Variants in CRYBG1 observed in about 807,000 individuals in gnomAD.
CRYBG1 encodes the protein crystallin beta-gamma domain containing 1, also known as beta/gamma crystallin domain-containing protein 1.
CRYBG1 carries 139 observed loss-of-function variants against 189.2 expected under a neutral mutation model. That is an observed-to-expected ratio of 0.73 (90% confidence interval 0.64 to 0.85). The LOEUF (loss-of-function observed/expected upper bound fraction) is 0.85, where lower values mean the gene tolerates loss of function less well. CRYBG1 is among the 40% of genes least tolerant of loss of function. The probability of loss-of-function intolerance (pLI) is 0.00; values close to 1 mark genes in which losing one functional copy is unlikely to be tolerated. For synonymous variants in CRYBG1, 1,023 were observed against 1,017.1 expected (o/e 1.01, Z -0.11); for missense variants, 2,611 against 2,675.8 (o/e 0.98, Z 0.53).
chr6:106,525,218 T>C, intron 5 of CRYBG1, 38 bp downstream of exon 5: 1 of 1,613,982 alleles, frequency 6.2e-7, no homozygotes, highest in Non-Finnish European at 8.5e-7. Flanking sequence ...GATTCTATTT[T>C]GGTCTGACAG....
intron 1 of CRYBG1, among the ~76,000 whole-genome samples, chr6:106,443,529 G>A (rs1771603305): frequency 6.6e-6 from 1 of 152,166 alleles, no homozygotes; most frequent in Admixed American, 6.5e-5. Flanking sequence ...CCAACCAAGA[G>A]TTCTACGTGG....
chr6:106,546,061 G>A (rs1362413878), intron 13 of CRYBG1, among the ~76,000 whole-genome samples: 2 of 152,204 alleles, frequency 1.3e-5, no homozygotes. Flanking sequence ...CTTGGGTCAT[G>A]TGCACATGCC....
chr6:106,555,973 CGGTAGAACCTG>C, intron 17 of CRYBG1, 76 bp downstream of exon 17: 1 of 1,526,164 alleles, frequency 6.6e-7, no homozygotes, highest in African/African-American at 1.4e-5. Context: ...GGTAACCAGC[CGGTAGAACCTG>C]CTCTTAAAGT....
At chr6:106,561,238 C>T in intron 19 of CRYBG1, 104 bp from the exon 20 acceptor site, 1 of 1,257,674 alleles carries the variant, frequency 8.0e-7, no homozygotes, top group Non-Finnish European at 1.1e-6. Flanking sequence ...ATGGTAATTA[C>T]CCTTAATCCA....
chr6:106,544,345 C>G (rs1234190215), intron 11 of CRYBG1, among the ~76,000 whole-genome samples: 1 of 152,156 alleles, frequency 6.6e-6, no homozygotes, highest in Admixed American at 6.6e-5. Context: ...CACTCACACA[C>G]ACGCTCCCCT....
intron 1 of CRYBG1, among the ~76,000 whole-genome samples, chr6:106,392,130 C>T (rs961491847): frequency 2.0e-5 from 3 of 151,994 alleles, no homozygotes; most frequent in Admixed American, 2.0e-4. Context: ...GTTTAGTCCC[C>T]GCGAATCTGT....
intron 2 of CRYBG1, among the ~76,000 whole-genome samples, chr6:106,460,715 A>G (rs1343765087): frequency 1.3e-5 from 2 of 152,196 alleles, no homozygotes; most frequent in African/African-American, 4.8e-5. Context: ...TCAGAAGAGT[A>G]ACTGAAATGC....
intron 2 of CRYBG1, among the ~76,000 whole-genome samples, chr6:106,461,328 A>G (rs979806454): frequency 8.5e-5 from 13 of 152,192 alleles, no homozygotes; most frequent in African/African-American, 2.7e-4. Context: ...AAAGCTTTAT[A>G]TAAGTGGTAA....
chr6:106,483,391 G>C (rs2353057), intron 2 of CRYBG1, among the ~76,000 whole-genome samples: 2 of 101,068 alleles, frequency 2.0e-5, no homozygotes, highest in Non-Finnish European at 4.6e-5. Context: ...TATATATATA[G>C]ATATATATAT....
Position 106,511,738 on chromosome 6 carries a change from T to C in CRYBG1, c.621T>C (p.Pro207=), listed in dbSNP as rs1582806639. The C allele has an allele frequency of 1.4e-5, 22 of 1,533,484 alleles. No homozygotes were observed. The East Asian group carries it at 5.4e-4, about 38-fold the overall frequency. The allele number at this position is 1,533,484 out of a possible 1,614,324, so 95.0% of individuals were successfully genotyped here. ...AGAGCGGTGGCCCCGCAGCCCCCCCTGACGCCGAGCTGTCACCTCGCTGGA... is the reference window on the plus strand; with the variant it reads ...AGAGCGGTGGCCCCGCAGCCCCCCCCGACGCCGAGCTGTCACCTCGCTGGA... ...LPESGGPAAP[P]DAELSPRWSS... Residue 207 remains proline (P), a synonymous_variant, in exon 3 of 22, where the codon CCT becomes CCC. Coordinates refer to ENST00000633556, the MANE Select transcript of CRYBG1 (RefSeq NM_001371242.2).
chr6:106,451,833 G>T lies in CRYBG1; in HGVS notation c.312+1G>T. 6.5e-7 allele frequency: 1 copy of T among 1,533,410 alleles called. No individual in the cohort carries two copies. The highest frequency in any genetic ancestry group is 1.4e-5 in the African/African-American group (1 of 73,004). The allele number at this position is 1,533,410 out of a possible 1,614,324, so 95.0% of individuals were successfully genotyped here. On this transcript the variant is annotated splice_donor_variant, in intron 2 of 21. Transcript: ENST00000633556. LOFTEE classifies it high-confidence loss of function. Reference sequence around the variant, plus strand: ...TCTAGAGTCTGGAATATTTAAAAAGGTAATGCTTCATTTCTAATGTTTGAC... The same window carrying T: ...TCTAGAGTCTGGAATATTTAAAAAGTTAATGCTTCATTTCTAATGTTTGAC...
At chr6:106,460,580 A>G (rs1771990383) in intron 2 of CRYBG1, among the ~76,000 whole-genome samples, 1 of 152,088 alleles carries the variant, frequency 6.6e-6, no homozygotes, top group Non-Finnish European at 1.5e-5. Context: ...AAAAATTGTA[A>G]TGAGAAACCC....
intron 8 of CRYBG1, among the ~76,000 whole-genome samples, chr6:106,537,981 G>C (rs72941340): frequency 0.26 from 39,157 of 152,128 alleles, 5,387 homozygotes; most frequent in South Asian, 0.37. Context: ...TTGGGAAGAA[G>C]AAAAAAGCAA....
chr6:106,364,482 A>G (rs1218696546), intron 1 of CRYBG1, among the ~76,000 whole-genome samples: 7 of 152,302 alleles, frequency 4.6e-5, no homozygotes, highest in South Asian at 2.1e-4. Flanking sequence ...GAACTTGGCT[A>G]CTTCTCTTTC....
At chr6:106,525,052 C>T (rs892760687) in intron 4 of CRYBG1, 81 bp from the exon 5 acceptor site, 4 of 1,409,482 alleles carry the variant, frequency 2.8e-6, no homozygotes, top group Non-Finnish European at 3.0e-6. Context: ...GTGTGATCTA[C>T]CTACAGGATC....
chr6:106,448,141 G>A (rs75087060), intron 1 of CRYBG1, among the ~76,000 whole-genome samples: 1,734 of 152,294 alleles, frequency 0.011, 36 homozygotes, highest in African/African-American at 0.04. Flanking sequence ...AGCCCACTCA[G>A]CCCACACATC....
At chr6:106,433,230 G>A (rs990113903) in intron 1 of CRYBG1, among the ~76,000 whole-genome samples, 1 of 152,320 alleles carries the variant, frequency 6.6e-6, no homozygotes, top group South Asian at 2.1e-4. Flanking sequence ...CAGGGTTGCT[G>A]TGAGGATAAA....
At chr6:106,469,082 C>T (rs1180455648) in intron 2 of CRYBG1, among the ~76,000 whole-genome samples, 1 of 152,186 alleles carries the variant, frequency 6.6e-6, no homozygotes, top group Non-Finnish European at 1.5e-5. Flanking sequence ...AACTCACTGG[C>T]CCTCTCCCCA....
chr6:106,399,034 C>G (rs1392616195), intron 1 of CRYBG1, among the ~76,000 whole-genome samples: 1 of 152,188 alleles, frequency 6.6e-6, no homozygotes, highest in Non-Finnish European at 1.5e-5. Context: ...GTTTACCTTT[C>G]CATTAAACCT....
Sources: allele counts gnomAD v4.1 joint callset (sites outside exome capture counted in the v4.1 genomes callset), GRCh38; gene constraint gnomAD v4.1.1; transcripts MANE v1.5; gene names NCBI Gene and HGNC (gene_info 2026-07-23, HGNC 2026-07-21).